The following CEP85 variants were observed in gnomAD, a reference collection of about 807,000 sequenced individuals.
The protein encoded by CEP85 is centrosomal protein of 85 kDa.
In CEP85, 58 loss-of-function variants were observed where a neutral mutation model predicts 93.7. The ratio of observed to expected loss-of-function variants is 0.62; its 90% confidence interval spans 0.50 to 0.77. The LOEUF (loss-of-function observed/expected upper bound fraction) is 0.77, where lower values mean the gene tolerates loss of function less well. CEP85 is among the 30% of genes least tolerant of loss of function. The probability of loss-of-function intolerance (pLI) is 0.00; values close to 1 mark genes in which losing one functional copy is unlikely to be tolerated. For missense variants in CEP85, 868 were observed against 922.0 expected (o/e 0.94, Z 0.76); for synonymous variants, 314 against 338.6 (o/e 0.93, Z 0.80).
intron 1 of CEP85, among the ~76,000 whole-genome samples, chr1:26,234,977 G>T (rs1308125282): frequency 6.6e-6 from 1 of 152,222 alleles, no homozygotes. Context: ...CCTACTGTGT[G>T]TAGGACGCCC....
intron 2 of CEP85, among the ~76,000 whole-genome samples, chr1:26,243,037 C>T (rs1569964855): frequency 6.6e-6 from 1 of 151,956 alleles, no homozygotes; most frequent in African/African-American, 2.4e-5. Context: ...AGATAAAGCC[C>T]TAGGCTCTTC....
chr1:26,247,991 A>G (rs754785381), intron 3 of CEP85, among the ~76,000 whole-genome samples: 1 of 152,160 alleles, frequency 6.6e-6, no homozygotes, highest in South Asian at 2.1e-4. Flanking sequence ...TTTGACAACT[A>G]TGTGTATAAT....
rs539559947 is a variant in CEP85 at position 26,257,716 on chromosome 1, G to A, written c.1023G>A (p.Glu341=). 1.2e-4 allele frequency: 189 copies of A among 1,614,100 alleles called. No individual in the cohort carries two copies. In the South Asian group the frequency reaches 2.0e-3, roughly 17 times the overall value. ...ATGAACACCTTCTGAAGGAAAAAGA[G>A]CTTCTCATTGACAAGTAAGAGGGCA... ...NSNEHLLKEK[E]LLIDKQRKHI... Residue 341 remains glutamate (E), a synonymous_variant, in exon 5 of 14, where the codon GAG becomes GAA. Coordinates refer to ENST00000451429, the MANE Select transcript of CEP85 (RefSeq NM_001319944.2).
Position 26,277,208 on chromosome 1 carries a change from AGCT to A in CEP85, c.2204_2206del (p.Leu735del). On this transcript the variant is annotated inframe_deletion, in exon 14 of 14. Coordinates refer to ENST00000451429, the MANE Select transcript of CEP85 (RefSeq NM_001319944.2). Reference sequence around the variant, plus strand: ...AAGAGGAAACTAGAAGAGGTTCAACAGCTGCGTCGTGACATTGAGGACTTAAGG... The same window carrying A: ...AAGAGGAAACTAGAAGAGGTTCAACAGCGTCGTGACATTGAGGACTTAAGG... 1 of 1,614,188 alleles carries A rather than the reference AGCT, an allele frequency of 6.2e-7. No individual in the cohort carries two copies. Among genetic ancestry groups the A allele is most frequent in the East Asian group, 2.2e-5 (1 of 44,888 alleles).
chr1:26,276,542 T>C lies in CEP85; in HGVS notation c.1910T>C (p.Val637Ala), dbSNP rs1219655957. 2 of 1,614,138 alleles carry C rather than the reference T, an allele frequency of 1.2e-6. No homozygotes were observed. The change falls in exon 13 of 14, where the codon GTG (valine) becomes GCG (alanine). Residue 637 changes from valine (V) to alanine (A), a missense_variant. By Grantham distance (64) the Val-to-Ala change is moderately conservative. Coordinates refer to ENST00000451429, the MANE Select transcript of CEP85 (RefSeq NM_001319944.2). ...QLRTAVKELS[V>A]QNQDLIEKNL... ...ACCCATCTGTCTGCTCAGCTTTCAG[T>C]GCAAAACCAGGACTTGATTGAGAAG... is the stretch of plus-strand genomic sequence containing the variant.
chr1:26,255,949 T>A, intron 4 of CEP85, 84 bp downstream of exon 4: 1 of 1,198,150 alleles, frequency 8.3e-7, no homozygotes, highest in Non-Finnish European at 1.2e-6. Context: ...AATTTTGGCT[T>A]AAAGAAAATA....
rs141350111 is a variant in CEP85 at position 26,252,066 on chromosome 1, A to G, written c.209-3105A>G. On this transcript the variant is annotated intron_variant, in intron 3 of 13. Transcript: ENST00000451429. ...TGGCCAACATGGTGAAACCCCGTCT[A>G]CTAAAAATACAAAAATTAGCCAGGC... is the stretch of plus-strand genomic sequence containing the variant. 6.3e-4 allele frequency among the ~76,000 whole-genome samples: 96 copies of G among 151,296 alleles called. 1 individual carries two copies. The highest frequency in any genetic ancestry group is 2.2e-3 in the African/African-American group (92 of 41,108).
Position 26,265,935 on chromosome 1 carries a change from C to T in CEP85, c.1342-2548C>T, listed in dbSNP as rs1027570117. Among the ~76,000 whole-genome samples the T allele has an allele frequency of 6.6e-5, 10 of 151,926 alleles. No homozygotes were observed. The East Asian group carries it at 1.4e-3, about 21-fold the overall frequency. On this transcript the variant is annotated intron_variant, in intron 7 of 13. Coordinates refer to ENST00000451429, the MANE Select transcript of CEP85 (RefSeq NM_001319944.2). ...TCTATAAAAAATTTTAAGCCAGGCT[C>T]GGTGGCTCACGCCTGTAATCCCAGC...
intron 11 of CEP85, among the ~76,000 whole-genome samples, chr1:26,273,901 A>AAATAAAT (rs60960910): frequency 0.11 from 15,068 of 141,366 alleles, 978 homozygotes; most frequent in East Asian, 0.16. Context: ...ACCCCATCTC[A>AAATAAAT]AAATAAATAA....
In CEP85 at chr1:26,255,311, A is replaced by C. The variant is rs746619770; in HGVS notation, c.349A>C (p.Lys117Gln). The change falls in exon 4 of 14, where the codon AAA becomes CAA. Residue 117 changes from lysine (K) to glutamine (Q), a missense_variant. By Grantham distance (53) the Lys-to-Gln change is moderately conservative. Transcript: ENST00000451429. The part of the protein sequence containing the change: ...NSTPVGPSSS[K>Q]LPLSGLAESV... ...TACACCTGTTGGACCCTCTTCCTCT[A>C]AACTCCCTTTGTCAGGGTTGGCTGA... 4 of 1,614,122 alleles carry C rather than the reference A, an allele frequency of 2.5e-6. No homozygotes were observed. The Admixed American group carries it at 5.0e-5, about 20-fold the overall frequency.
chr1:26,263,725 C>T (rs116032450), intron 7 of CEP85, among the ~76,000 whole-genome samples: 1 of 151,944 alleles, frequency 6.6e-6, no homozygotes, highest in African/African-American at 2.4e-5. Context: ...CCCAGCACAA[C>T]CCCACAATTG....
At chr1:26,261,277 A>G (rs1443246080) in intron 7 of CEP85, among the ~76,000 whole-genome samples, 2 of 151,866 alleles carry the variant, frequency 1.3e-5, no homozygotes, top group Admixed American at 6.6e-5. Flanking sequence ...GTTCGAGACC[A>G]GCCTGACCAA....
At chr1:26,267,571 G>T (rs764936543) in intron 7 of CEP85, among the ~76,000 whole-genome samples, 4 of 152,100 alleles carry the variant, frequency 2.6e-5, no homozygotes, top group African/African-American at 7.2e-5. Context: ...TCAAAAAAAG[G>T]GGGGTGGGAT....
intron 11 of CEP85, among the ~76,000 whole-genome samples, chr1:26,274,752 C>T (rs2090028661): frequency 6.6e-6 from 1 of 152,140 alleles, no homozygotes; most frequent in Non-Finnish European, 1.5e-5. Context: ...CTTGAATGCC[C>T]TGCTAAGAAG....
intron 4 of CEP85, among the ~76,000 whole-genome samples, chr1:26,256,460 G>A (rs2089702963): frequency 1.3e-5 from 2 of 152,156 alleles, no homozygotes; most frequent in South Asian, 4.2e-4. Flanking sequence ...GAACCTGGGA[G>A]GCGGAGGTTG....
chr1:26,238,475 C>T (rs1038155522), intron 1 of CEP85, among the ~76,000 whole-genome samples: 3 of 151,744 alleles, frequency 2.0e-5, no homozygotes, highest in Non-Finnish European at 4.4e-5. Flanking sequence ...GGATTACAGG[C>T]GTGAGCCACT....
chr1:26,250,925 C>CCTTTTTTTTTTTTTTTTTTTTTTT (rs2089598435), intron 3 of CEP85, among the ~76,000 whole-genome samples: 1 of 55,134 alleles, frequency 1.8e-5, no homozygotes, highest in African/African-American at 5.9e-5. Flanking sequence ...TTTTTTTTTT[C>CCTTTTTTTTTTTTTTTTTTTTTTT]TTTTTTCTTT....
chr1:26,267,407 T>C (rs1211582999), intron 7 of CEP85, among the ~76,000 whole-genome samples: 1 of 151,946 alleles, frequency 6.6e-6, no homozygotes, highest in Non-Finnish European at 1.5e-5. Flanking sequence ...GTACTAAAAA[T>C]AGAAAAATTA....
chr1:26,234,230 G>A lies in CEP85; in HGVS notation c.-103G>A, dbSNP rs1351459702. The A allele has an allele frequency of 3.9e-5, 6 of 152,258 alleles. No individual in the cohort carries two copies. Among genetic ancestry groups the A allele is most frequent in the African/African-American group, 1.4e-4 (6 of 41,458 alleles). The allele number at this position is 152,258 out of a possible 1,614,324, so 9.4% of individuals were successfully genotyped here. On this transcript the variant is annotated 5_prime_UTR_variant, in exon 1 of 14. Coordinates refer to ENST00000451429, the MANE Select transcript of CEP85 (RefSeq NM_001319944.2). ...ACGGCCGTTAGAGGAGCTGAGGGAG[G>A]GAACCACCGCTCACCGCAGACGTGG...
Sources: allele counts gnomAD v4.1 joint callset (sites outside exome capture counted in the v4.1 genomes callset), GRCh38; gene constraint gnomAD v4.1.1; transcripts MANE v1.5; gene names NCBI Gene and HGNC (gene_info 2026-07-23, HGNC 2026-07-21).